Variants in SMIM7 observed in about 807,000 individuals in gnomAD.
The protein encoded by SMIM7 is small integral membrane protein 7.
A neutral mutation model predicts 13.3 loss-of-function variants in SMIM7; 12 were observed. The observed-to-expected ratio is 0.90, with a 90% confidence interval of 0.58 to 1.46. The LOEUF is 1.46. Ranked by LOEUF, SMIM7 falls within the 40% of genes most tolerant of loss-of-function variation. The probability of loss-of-function intolerance (pLI) is 0.00; values close to 1 mark genes in which losing one functional copy is unlikely to be tolerated. For missense variants in SMIM7, 114 were observed against 94.8 expected (o/e 1.20, Z -0.84); for synonymous variants, 36 against 35.8 (o/e 1.01, Z -0.02).
At position 16,652,877 on chromosome 19, in the gene SMIM7, G is replaced by A. The variant is rs1036796223; in HGVS notation, c.212+1158C>T. ...GTGTCTTTTCCTAAATCCATTTACA[G>A]CAAATCTCACAATTCGTTAACAGTA... is the stretch of plus-strand genomic sequence containing the variant. On this transcript the variant is annotated intron_variant, in intron 4 of 4. Transcript: ENST00000487416. 4.5e-6 allele frequency: 7 copies of A among 1,550,430 alleles called. No individual in the cohort carries two copies. The African/African-American group carries it at 8.2e-5, about 18-fold the overall frequency.
At chr19:16,641,296 C>CT (rs1172564010), downstream of SMIM7, 424 of 137,436 alleles carry the variant, frequency 3.1e-3, 2 homozygotes, top group Middle Eastern at 0.011. Context: ...TCTAATACAA[C>CT]TTTTTTTTTT....
At chr19:16,657,091 G>A (rs2086605748) in intron 3 of SMIM7, among the ~76,000 whole-genome samples, 1 of 152,116 alleles carries the variant, frequency 6.6e-6, no homozygotes, top group South Asian at 2.1e-4. Context: ...GTCAATAGGG[G>A]TGTCAGGCAG....
intron 4 of SMIM7, among the ~76,000 whole-genome samples, chr19:16,633,366 G>A (rs781377936): frequency 2.0e-5 from 3 of 147,946 alleles, no homozygotes; most frequent in Non-Finnish European, 4.4e-5. Context: ...TGAGGCAGAA[G>A]AATCACTTGA....
At position 16,647,242 on chromosome 19, in the gene SMIM7, G is replaced by C. The variant is rs1297153840; in HGVS notation, c.*4C>G. 4 of 1,613,830 alleles carry C rather than the reference G, an allele frequency of 2.5e-6. No homozygotes were observed. ...AAGTGAGTTCCTGGTTTCATCGCTG[G>C]GATTCAAGAGCCGAACAGCCTGGAG... On this transcript the variant is annotated 3_prime_UTR_variant, in exon 5 of 5. Transcript: ENST00000487416.
chr19:16,636,695 T>C (rs1268967970), intron 4 of SMIM7, among the ~76,000 whole-genome samples: 3 of 152,238 alleles, frequency 2.0e-5, no homozygotes, highest in Non-Finnish European at 4.4e-5. Context: ...CCCATGCCTA[T>C]AATCCTGGCA....
Position 16,650,526 on chromosome 19 carries a change from A to C in SMIM7, c.213-3265T>G, listed in dbSNP as rs181809678. ...GGAGTTCGAGACCAGCCTGGTCAAC[A>C]GGATGAAATCTCATCTCTACCAAAA... On this transcript the variant is annotated intron_variant, in intron 4 of 4. Transcript: ENST00000487416. Among the ~76,000 whole-genome samples, 33 of 152,310 alleles carry C rather than the reference A, an allele frequency of 2.2e-4. 1 individual carries two copies. The East Asian group carries it at 5.8e-3, about 27-fold the overall frequency.
intron 3 of SMIM7, 64 bp from the exon 4 acceptor site, chr19:16,654,189 A>C: frequency 7.0e-7 from 1 of 1,436,402 alleles, no homozygotes; most frequent in South Asian, 1.2e-5. Context: ...CCACCTCAGC[A>C]GTGGATTTTT....
chr19:16,655,497 A>G (rs2086585663), intron 3 of SMIM7: 2 of 443,658 alleles, frequency 4.5e-6, no homozygotes, highest in Non-Finnish European at 4.5e-6. Context: ...CCTGGCCAAC[A>G]TGGTGAAACC....
In SMIM7 at chr19:16,647,177, G is replaced by C; in HGVS notation, c.*69C>G. The C allele has an allele frequency of 6.2e-7, 1 of 1,600,508 alleles. No homozygotes were observed. The highest frequency in any genetic ancestry group is 8.6e-7 in the Non-Finnish European group (1 of 1,168,328). ...TTTTCTGGTCAAAAACATTCTTGAAGTCATCAGGAATGGAGGAATGGAGAC... is the reference window on the plus strand; with the variant it reads ...TTTTCTGGTCAAAAACATTCTTGAACTCATCAGGAATGGAGGAATGGAGAC... On this transcript the variant is annotated 3_prime_UTR_variant, in exon 5 of 5. Transcript: ENST00000487416.
rs1043162923 is a variant in SMIM7, at chr19:16,646,337, C to T, written c.*909G>A. 1.3e-5 allele frequency: 2 copies of T among 152,106 alleles called. No individual in the cohort carries two copies. The highest frequency in any genetic ancestry group is 4.8e-5 in the African/African-American group (2 of 41,410). The allele number at this position is 152,106 out of a possible 1,614,324, so 9.4% of individuals were successfully genotyped here. A position where few individuals can be genotyped will look rare whatever the true frequency, so the allele number is the denominator to read the frequency against. On this transcript the variant is annotated 3_prime_UTR_variant, in exon 5 of 5. Coordinates refer to ENST00000487416, the MANE Select transcript of SMIM7 (RefSeq NM_024104.4). ...AACAAAAAACTCAACAAGCAAATCA[C>T]ACAGTTGTGGGATTCAGCGCCAACC...
At chr19:16,633,231 TG>T (rs1396560773) in intron 4 of SMIM7, among the ~76,000 whole-genome samples, 1 of 151,466 alleles carries the variant, frequency 6.6e-6, no homozygotes, top group African/African-American at 2.4e-5. Flanking sequence ...CAGAAGTGGA[TG>T]GATCACCTGA....
At chr19:16,650,163 G>C (rs2086504319) in intron 4 of SMIM7, among the ~76,000 whole-genome samples, 1 of 149,924 alleles carries the variant, frequency 6.7e-6, no homozygotes, top group Non-Finnish European at 1.5e-5. Flanking sequence ...TTTTCCTCTT[G>C]TTATTTTATG....
At chr19:16,647,355 T>C in intron 4 of SMIM7, 94 bp from the exon 5 acceptor site, 1 of 1,425,448 alleles carries the variant, frequency 7.0e-7, no homozygotes. Flanking sequence ...TATTACCTAT[T>C]ACTTAGATGA....
At chr19:16,637,950 G>A (rs1373549748) in intron 4 of SMIM7, among the ~76,000 whole-genome samples, 1 of 152,136 alleles carries the variant, frequency 6.6e-6, no homozygotes, top group African/African-American at 2.4e-5. Flanking sequence ...GGTCATAAGG[G>A]TGGGGTGATA....
chr19:16,647,219 G>GT lies in SMIM7; in HGVS notation c.*26dup. On this transcript the variant is annotated 3_prime_UTR_variant, in exon 5 of 5. Coordinates refer to ENST00000487416, the MANE Select transcript of SMIM7 (RefSeq NM_024104.4). Reference sequence around the variant, plus strand: ...AATGGAGACTCGGCATCCCGGGAAAGTGAGTTCCTGGTTTCATCGCTGGGA... The same window carrying GT: ...AATGGAGACTCGGCATCCCGGGAAAGTTGAGTTCCTGGTTTCATCGCTGGGA... The GT allele has an allele frequency of 6.2e-7, 1 of 1,613,964 alleles. No homozygotes were observed. Among genetic ancestry groups the GT allele is most frequent in the Non-Finnish European group, 8.5e-7 (1 of 1,179,974 alleles).
At position 16,659,917 on chromosome 19, in the gene SMIM7, G is replaced by C. The variant is rs780833755; in HGVS notation, c.68+42C>G. Reference sequence around the variant, plus strand: ...TCACGCTTATGAGGGCGGGGCTACGGGTTCCCCGGATGGAGCCGCAGTCCG... The same window carrying C: ...TCACGCTTATGAGGGCGGGGCTACGCGTTCCCCGGATGGAGCCGCAGTCCG... On this transcript the variant is annotated intron_variant, in intron 2 of 4. Transcript: ENST00000487416. 1.3e-5 allele frequency: 20 copies of C among 1,587,810 alleles called. No individual in the cohort carries two copies. In the East Asian group the frequency reaches 4.1e-4, roughly 33 times the overall value.
At chr19:16,652,816 G>A (rs1450224218) in intron 4 of SMIM7, 6 of 1,547,288 alleles carry the variant, frequency 3.9e-6, no homozygotes, top group Non-Finnish European at 5.2e-6. Flanking sequence ...TACAGGGATG[G>A]ACCCACAGAG....
At chr19:16,649,885 G>A (rs549161564) in intron 4 of SMIM7, among the ~76,000 whole-genome samples, 22 of 152,252 alleles carry the variant, frequency 1.4e-4, no homozygotes, top group African/African-American at 2.6e-4. Flanking sequence ...GCCATGCAGT[G>A]TATGACTCCA....
At chr19:16,653,714 T>C (rs1388337094) in intron 4 of SMIM7, 3 of 319,728 alleles carry the variant, frequency 9.4e-6, no homozygotes, top group East Asian at 6.6e-5. Context: ...GATAACACGA[T>C]GGAACCCCGT....
Sources: allele counts gnomAD v4.1 joint callset (sites outside exome capture counted in the v4.1 genomes callset), GRCh38; gene constraint gnomAD v4.1.1; transcripts MANE v1.5; gene names NCBI Gene and HGNC (gene_info 2026-07-23, HGNC 2026-07-21).